Variants in LAMB1 observed in about 807,000 individuals in gnomAD.
LAMB1 encodes laminin subunit beta 1.
In LAMB1, 121 loss-of-function variants were observed where a neutral mutation model predicts 222.3. The ratio of observed to expected loss-of-function variants is 0.54; its 90% CI spans 0.47 to 0.63. The LOEUF is 0.63. LAMB1 is among the 30% of genes least tolerant of loss of function. The pLI is 0.00. For missense variants in LAMB1, 2,172 were observed against 2,240.8 expected (o/e 0.97, Z 0.62); for synonymous variants, 794 against 807.2 (o/e 0.98, Z 0.28).
Position 107,961,609 on chromosome 7 carries a change from C to T in LAMB1, c.1925G>A (p.Arg642Gln), listed in dbSNP as rs1023081100. 2.5e-6 allele frequency: 4 copies of T among 1,614,124 alleles called. No individual in the cohort carries two copies. Among genetic ancestry groups the T allele is most frequent in the African/African-American group, 2.7e-5 (2 of 75,038 alleles). Residue 642 changes from arginine to glutamine, a missense_variant, in exon 16 of 34, where the codon CGA (arginine) becomes CAA (glutamine). Transcript: ENST00000222399. ...QRPGRIPTSS[R>Q]CGNTIPDDDN... ...ATCATCGGGGATGGTATTACCACAT[C>T]GGCTGCTGGTTGGAATCCTTCCAGG...
At chr7:108,002,789 G>A in intron 2 of LAMB1, 60 bp downstream of exon 2, 2 of 1,611,070 alleles carry the variant, frequency 1.2e-6, no homozygotes, top group Non-Finnish European at 1.7e-6. Flanking sequence ...AGCAGCTTTT[G>A]GGTTTTCCTT....
chr7:107,929,172 A>T lies in LAMB1; in HGVS notation c.4779T>A (p.Asp1593Glu), dbSNP rs775959916. 5 of 1,613,826 alleles carry T rather than the reference A, an allele frequency of 3.1e-6. No individual in the cohort carries two copies. The highest frequency in any genetic ancestry group is 4.2e-6 in the Non-Finnish European group (5 of 1,179,988). Residue 1593 changes from aspartate to glutamate, a missense_variant, in exon 31 of 34, where the codon GAT becomes GAA. By Grantham distance (45) the Asp-to-Glu change is conservative. Transcript: ENST00000222399. ...CTTCTTCCAGAGCTTCCTTTACCAT[A>T]TCTGCAGTGACTTTAACATCTGTTG... ...KSATDVKVTADMVKEALEEAE... is the reference protein window; with the variant it reads ...KSATDVKVTAEMVKEALEEAE...
chr7:107,992,465 T>C lies in LAMB1; in HGVS notation c.423+2422A>G, dbSNP rs190167271. ...GTAGTTTCTTACAAACAGAAGATGG[T>C]TGAATTCATTTATCCACTTATTCTT... On this transcript the variant is annotated intron_variant, in intron 5 of 33. Transcript: ENST00000222399. Among the ~76,000 whole-genome samples, 19 of 152,348 alleles carry C rather than the reference T, an allele frequency of 1.2e-4. No individual in the cohort carries two copies. In the East Asian group the frequency reaches 3.5e-3, roughly 28 times the overall value.
intron 4 of LAMB1, among the ~76,000 whole-genome samples, chr7:107,997,138 C>T (rs1055375603): frequency 2.0e-5 from 3 of 152,164 alleles, no homozygotes; most frequent in Non-Finnish European, 4.4e-5. Context: ...ATTTAACAGT[C>T]GATGGCTGGG....
intron 13 of LAMB1, among the ~76,000 whole-genome samples, chr7:107,967,209 T>TGA (rs1432501967): frequency 2.6e-5 from 4 of 152,218 alleles, no homozygotes; most frequent in Admixed American, 2.6e-4. Context: ...ATGGTATAGG[T>TGA]GAGACATCAC....
chr7:108,000,158 T>C (rs145435138), intron 3 of LAMB1, among the ~76,000 whole-genome samples: 1 of 150,222 alleles, frequency 6.7e-6, no homozygotes, highest in African/African-American at 2.5e-5. Context: ...CAATAACTTG[T>C]AGTCAAGGAA....
intron 3 of LAMB1, among the ~76,000 whole-genome samples, chr7:108,001,104 A>G (rs2034373615): frequency 6.6e-6 from 1 of 152,178 alleles, no homozygotes; most frequent in Non-Finnish European, 1.5e-5. Context: ...TGAGGAGAGG[A>G]AAACGGGTTC....
At chr7:107,974,737 T>A (rs1395373090) in intron 12 of LAMB1, among the ~76,000 whole-genome samples, 1 of 152,220 alleles carries the variant, frequency 6.6e-6, no homozygotes, top group Non-Finnish European at 1.5e-5. Context: ...TTCCCATTTT[T>A]AAAAACTTGT....
intron 14 of LAMB1, 102 bp downstream of exon 14, chr7:107,964,450 A>G (rs2033582686): frequency 1.5e-6 from 2 of 1,369,708 alleles, no homozygotes; most frequent in East Asian, 2.3e-5. Context: ...TCACTGACAA[A>G]GCTATAAAAA....
intron 22 of LAMB1, 116 bp downstream of exon 22, chr7:107,953,414 C>T: frequency 1.3e-6 from 1 of 783,572 alleles, no homozygotes; most frequent in Non-Finnish European, 2.0e-6. Context: ...GAAATTTTAC[C>T]TCTCTGAACA....
chr7:107,956,231 C>T (rs950226340), intron 20 of LAMB1, among the ~76,000 whole-genome samples: 4 of 151,874 alleles, frequency 2.6e-5, no homozygotes, highest in Non-Finnish European at 5.9e-5. Flanking sequence ...TGGGGTTTCA[C>T]CATGTTGGTC....
rs1011299545 is a variant in LAMB1 at position 107,963,025 on chromosome 7, C to T, written c.1737G>A (p.Arg579=). 8.1e-6 allele frequency: 13 copies of T among 1,613,876 alleles called. No homozygotes were observed. The highest frequency in any genetic ancestry group is 1.3e-5 in the African/African-American group (1 of 74,928). Reference sequence around the variant, plus strand: ...AGCCGGCTCCAGTCCAGGAGGGAATCCGGTCCTGGATATATTGCCGCTCCA... The same window carrying T: ...AGCCGGCTCCAGTCCAGGAGGGAATTCGGTCCTGGATATATTGCCGCTCCA... ...SIVERQYIQD[R]IPSWTGAGFV... Residue 579 remains arginine, a synonymous_variant, in exon 15 of 34, where the codon CGG becomes CGA. Transcript: ENST00000222399.
rs1265428834 is a variant in LAMB1, at chr7:107,961,477, C to T, written c.1985+72G>A. 12 of 1,585,254 alleles carry T rather than the reference C, an allele frequency of 7.6e-6. No individual in the cohort carries two copies. In the East Asian group the frequency reaches 2.5e-4, roughly 33 times the overall value. On this transcript the variant is annotated intron_variant, in intron 16 of 33. Coordinates refer to ENST00000222399, the MANE Select transcript of LAMB1 (RefSeq NM_002291.3). ...TGGCTCTGAAATGGTGACTTGAAAA[C>T]TCGCAAAATATTAGAAAAATACTAA...
At chr7:107,949,009 C>T (rs1305493052) in intron 24 of LAMB1, among the ~76,000 whole-genome samples, 4 of 152,180 alleles carry the variant, frequency 2.6e-5, no homozygotes, top group African/African-American at 9.6e-5. Flanking sequence ...TACTTAGTTT[C>T]TGTTTTTTAT....
chr7:107,926,306 G>A lies in LAMB1; in HGVS notation c.4941C>T (p.Arg1647=), dbSNP rs1168108321. 6.2e-7 allele frequency: 1 copy of A among 1,613,920 alleles called. No individual in the cohort carries two copies. The highest frequency in any genetic ancestry group is 8.5e-7 in the Non-Finnish European group (1 of 1,179,844). Residue 1647 remains arginine, a synonymous_variant, in exon 32 of 34, where the codon CGC becomes CGT. Transcript: ENST00000222399. ...CCACATTCCTCTCTAACTCGCTGAT[G>A]CGCTGGGACGCGTTGAACAAGGTTT... ...SEETLFNASQ[R]ISELERNVEE...
intron 27 of LAMB1, among the ~76,000 whole-genome samples, chr7:107,934,551 G>C (rs995024853): frequency 6.6e-6 from 1 of 152,102 alleles, no homozygotes; most frequent in Non-Finnish European, 1.5e-5. Context: ...TTTGGCTCCA[G>C]AGTTCCTTTT....
At chr7:107,993,365 C>T (rs1276646995) in intron 5 of LAMB1, among the ~76,000 whole-genome samples, 2 of 152,088 alleles carry the variant, frequency 1.3e-5, no homozygotes, top group African/African-American at 2.4e-5. Context: ...AACTCCTGAC[C>T]TCAAGTGATC....
chr7:107,955,528 C>G lies in LAMB1; in HGVS notation c.2793G>C (p.Arg931Ser). 1.2e-6 allele frequency: 2 copies of G among 1,614,078 alleles called. No individual in the cohort carries two copies. Among genetic ancestry groups the G allele is most frequent in the Non-Finnish European group, 1.7e-6 (2 of 1,180,004 alleles). ...AAGTAACAGGATCTTGGTAGCAGCTCCTGGCAAACTGGCGTCCACTGTCGG... is the reference window on the plus strand; with the variant it reads ...AAGTAACAGGATCTTGGTAGCAGCTGCTGGCAAACTGGCGTCCACTGTCGG... The part of the protein sequence containing the change: ...DGPDSGRQFA[R>S]SCYQDPVTLQ... The change falls in exon 21 of 34, where the codon AGG (arginine) becomes AGC (serine). Residue 931 changes from arginine to serine, a missense_variant. By Grantham distance (110) the Arg-to-Ser change is moderately radical (BLOSUM62 -1). Transcript: ENST00000222399.
At chr7:107,973,373 CATTATA>C (rs2033788344) in intron 12 of LAMB1, among the ~76,000 whole-genome samples, 1 of 152,180 alleles carries the variant, frequency 6.6e-6, no homozygotes, top group Non-Finnish European at 1.5e-5. Flanking sequence ...CAATTTTCCT[CATTATA>C]ATTACTCTGG....
Sources: gnomAD v4.1 joint callset for allele counts (sites outside exome capture counted in the v4.1 genomes callset) on GRCh38, gnomAD v4.1.1 for gene constraint, MANE v1.5 for transcripts, NCBI Gene and HGNC (gene_info 2026-07-23, HGNC 2026-07-21) for gene names.